Variants in ZFPM2 observed in about 807,000 individuals in gnomAD.
ZFPM2 encodes the protein zinc finger protein ZFPM2.
In ZFPM2, 20 loss-of-function variants were observed where a neutral mutation model predicts 98.6. The observed-to-expected ratio is 0.20, with a 90% confidence interval of 0.14 to 0.29. ZFPM2 has a LOEUF of 0.29. Among genes scored for constraint, ZFPM2 ranks in the 10% least tolerant of loss-of-function variants. The pLI, the probability that ZFPM2 is intolerant of heterozygous loss-of-function variation, is 1.00. For missense variants in ZFPM2, 1,310 were observed against 1,388.6 expected (o/e 0.94, Z 0.90); for synonymous variants, 518 against 502.7 (o/e 1.03, Z -0.41).
At chr8:105,459,852 G>A (rs1812671068) in intron 3 of ZFPM2, among the ~76,000 whole-genome samples, 1 of 152,144 alleles carries the variant, frequency 6.6e-6, no homozygotes, top group African/African-American at 2.4e-5. Context: ...GGGGAACACA[G>A]TTCAGTCCAT....
intron 1 of ZFPM2, among the ~76,000 whole-genome samples, chr8:105,388,730 A>G (rs1049617357): frequency 6.6e-6 from 1 of 152,164 alleles, no homozygotes; most frequent in African/African-American, 2.4e-5. Flanking sequence ...CTGCCAGGTG[A>G]TTCTCCTGTT....
At chr8:105,595,423 C>A (rs561093458) in intron 4 of ZFPM2, among the ~76,000 whole-genome samples, 38 of 152,194 alleles carry the variant, frequency 2.5e-4, no homozygotes, top group African/African-American at 7.0e-4. Flanking sequence ...CAGCAATTAT[C>A]CAACAGGGGT....
At chr8:105,522,816 A>G (rs1055997279) in intron 3 of ZFPM2, among the ~76,000 whole-genome samples, 18 of 152,278 alleles carry the variant, frequency 1.2e-4, no homozygotes, top group Admixed American at 3.3e-4. Context: ...TGAAATTATA[A>G]CTTTCTTAGG....
chr8:105,775,482 AT>A (rs1277461305), intron 5 of ZFPM2, among the ~76,000 whole-genome samples: 5 of 152,172 alleles, frequency 3.3e-5, no homozygotes, highest in African/African-American at 1.2e-4. Context: ...TCTGCTCCTG[AT>A]TGCTGATGAA....
rs139124537 is a variant in ZFPM2 at position 105,768,085 on chromosome 8, C to CCTCTCTCT, written c.533-20618_533-20611dup. On this transcript the variant is annotated intron_variant, in intron 5 of 7. Coordinates refer to ENST00000407775, the MANE Select transcript of ZFPM2 (RefSeq NM_012082.4). ...CTTAATGAGGGAACAAACACATATTCCTCTCTCTCTCTCTCTCTCTCTTTC... is the reference window on the plus strand; with the variant it reads ...CTTAATGAGGGAACAAACACATATTCCTCTCTCTCTCTCTCTCTCTCTCTCTCTCTTTC... 5.5e-4 allele frequency among the ~76,000 whole-genome samples: 81 copies of CCTCTCTCT among 147,060 alleles called. 1 individual carries two copies. The highest frequency in any genetic ancestry group is 1.9e-3 in the African/African-American group (76 of 40,374).
intron 3 of ZFPM2, among the ~76,000 whole-genome samples, chr8:105,486,013 G>A (rs1290046041): frequency 6.6e-6 from 1 of 152,030 alleles, no homozygotes; most frequent in African/African-American, 2.4e-5. Context: ...CCTGAGCTTT[G>A]GATGACTCAC....
intron 3 of ZFPM2, among the ~76,000 whole-genome samples, chr8:105,464,148 G>A (rs1297522215): frequency 2.0e-5 from 3 of 151,824 alleles, no homozygotes; most frequent in African/African-American, 7.3e-5. Flanking sequence ...ATTTTCAATT[G>A]GCTGTATACC....
chr8:105,498,039 A>C lies in ZFPM2; in HGVS notation c.301+53658A>C, dbSNP rs187815554. Among the ~76,000 whole-genome samples, 680 of 151,354 alleles carry C rather than the reference A, an allele frequency of 4.5e-3. 4 individuals carry two copies. Among genetic ancestry groups the C allele is most frequent in the Middle Eastern group, 0.024 (7 of 290 alleles). On this transcript the variant is annotated intron_variant, in intron 3 of 7. Coordinates refer to ENST00000407775, the MANE Select transcript of ZFPM2 (RefSeq NM_012082.4). ...TCCCCGTCTCTACCAAAAAAAAAAA[A>C]AAAAAAACAAAATCCAGGTGTGGTG...
chr8:105,764,238 G>T (rs1217752456), intron 5 of ZFPM2, among the ~76,000 whole-genome samples: 1 of 150,398 alleles, frequency 6.6e-6, no homozygotes, highest in African/African-American at 2.4e-5. Flanking sequence ...TGGTGGTAAA[G>T]CTAGATCAAG....
chr8:105,708,286 C>G (rs990747556), intron 5 of ZFPM2, among the ~76,000 whole-genome samples: 4 of 152,034 alleles, frequency 2.6e-5, no homozygotes, highest in Non-Finnish European at 4.4e-5. Flanking sequence ...ATTAACTGGT[C>G]TAGTAATTTT....
intron 1 of ZFPM2, among the ~76,000 whole-genome samples, chr8:105,412,616 CCT>C (rs552070028): frequency 9.2e-5 from 14 of 151,704 alleles, no homozygotes; most frequent in South Asian, 6.2e-4. Context: ...TACTAGATCC[CCT>C]GATGCCACTA....
At chr8:105,587,385 A>G (rs1815746017) in intron 4 of ZFPM2, among the ~76,000 whole-genome samples, 1 of 152,218 alleles carries the variant, frequency 6.6e-6, no homozygotes, top group South Asian at 2.1e-4. Flanking sequence ...AAAATAAACG[A>G]CTGCTTCTGG....
At chr8:105,550,542 A>C (rs968789996) in intron 3 of ZFPM2, among the ~76,000 whole-genome samples, 7 of 152,158 alleles carry the variant, frequency 4.6e-5, no homozygotes, top group African/African-American at 1.7e-4. Context: ...CTATAGCCCT[A>C]CCAGGTAGAA....
intron 3 of ZFPM2, among the ~76,000 whole-genome samples, chr8:105,509,949 C>A (rs1330291153): frequency 6.6e-6 from 1 of 152,066 alleles, no homozygotes; most frequent in South Asian, 2.1e-4. Context: ...CACACTGATA[C>A]GGTTAGCAGA....
chr8:105,365,725 T>C (rs1810492627), intron 1 of ZFPM2, among the ~76,000 whole-genome samples: 1 of 152,172 alleles, frequency 6.6e-6, no homozygotes, highest in African/African-American at 2.4e-5. Flanking sequence ...CCAGTCAGAA[T>C]GGCCTCCCAT....
intron 3 of ZFPM2, among the ~76,000 whole-genome samples, chr8:105,539,152 A>G (rs1814523687): frequency 6.6e-6 from 1 of 152,098 alleles, no homozygotes; most frequent in Non-Finnish European, 1.5e-5. Context: ...CCTCAAAGAG[A>G]TAGTTTGGGA....
intron 4 of ZFPM2, among the ~76,000 whole-genome samples, chr8:105,595,074 G>A (rs1216686944): frequency 6.6e-6 from 1 of 152,136 alleles, no homozygotes; most frequent in Non-Finnish European, 1.5e-5. Context: ...TCTGTGGGAT[G>A]TTAGAGAACC....
intron 2 of ZFPM2, among the ~76,000 whole-genome samples, chr8:105,441,729 A>G (rs1012908412): frequency 7.9e-5 from 12 of 152,112 alleles, no homozygotes; most frequent in Non-Finnish European, 1.6e-4. Flanking sequence ...TGTAGGGGTG[A>G]TATTCAAAGA....
intron 1 of ZFPM2, among the ~76,000 whole-genome samples, chr8:105,383,173 T>G (rs1161591535): frequency 6.6e-6 from 1 of 152,114 alleles, no homozygotes; most frequent in Non-Finnish European, 1.5e-5. Context: ...ACATTTAGGC[T>G]GTATGGTCAT....
Sources: allele counts gnomAD v4.1 joint callset (sites outside exome capture counted in the v4.1 genomes callset), GRCh38; gene constraint gnomAD v4.1.1; transcripts MANE v1.5; gene names NCBI Gene and HGNC (gene_info 2026-07-23, HGNC 2026-07-21).